Variants in CADM2 observed in about 807,000 individuals in gnomAD.
CADM2 encodes cell adhesion molecule 2.
In CADM2, 12 loss-of-function variants were observed where a neutral mutation model predicts 49.8. That is an observed-to-expected ratio of 0.24 (90% CI 0.15 to 0.39). CADM2 has a LOEUF of 0.39. CADM2 is among the 10% of genes least tolerant of loss of function. The probability of loss-of-function intolerance (pLI) is 1.00; values close to 1 mark genes in which losing one functional copy is unlikely to be tolerated. For missense variants in CADM2, 378 were observed against 492.3 expected, an observed-to-expected ratio of 0.77 and a Z score of 2.20; for synonymous variants, 214 against 175.4, an observed-to-expected ratio of 1.22 and a Z score of -1.74.
intron 6 of CADM2, among the ~76,000 whole-genome samples, chr3:85,932,580 T>G (rs1720733517): frequency 6.6e-6 from 1 of 152,008 alleles, no homozygotes; most frequent in South Asian, 2.1e-4. Flanking sequence ...TCTGAGAAAA[T>G]GTAGCCAGGG....
intron 1 of CADM2, among the ~76,000 whole-genome samples, chr3:85,592,335 C>T (rs1036689304): frequency 1.3e-5 from 2 of 151,898 alleles, no homozygotes; most frequent in Non-Finnish European, 2.9e-5. Flanking sequence ...AACATGTACT[C>T]TTTCACATCC....
chr3:85,184,329 C>A (rs2041003560), intron 1 of CADM2, among the ~76,000 whole-genome samples: 1 of 152,048 alleles, frequency 6.6e-6, no homozygotes, highest in Non-Finnish European at 1.5e-5. Flanking sequence ...TGGGACAATG[C>A]AGAAAAGAAC....
chr3:85,160,835 T>C (rs999809264), intron 1 of CADM2, among the ~76,000 whole-genome samples: 1 of 152,200 alleles, frequency 6.6e-6, no homozygotes, highest in African/African-American at 2.4e-5. Flanking sequence ...TTCCATCTTA[T>C]GGGATGTAGA....
intron 1 of CADM2, among the ~76,000 whole-genome samples, chr3:85,044,306 C>A (rs1381667271): frequency 1.2e-5 from 1 of 80,490 alleles, no homozygotes; most frequent in Non-Finnish European, 2.1e-5. Context: ...AGAAATTAAT[C>A]CCCCTACCCC....
At chr3:85,413,706 C>T (rs549373339) in intron 1 of CADM2, among the ~76,000 whole-genome samples, 2 of 152,218 alleles carry the variant, frequency 1.3e-5, no homozygotes, top group Admixed American at 6.5e-5. Flanking sequence ...GGGAAATCCA[C>T]CCTCACGATC....
chr3:85,433,540 G>A (rs1358915604), intron 1 of CADM2, among the ~76,000 whole-genome samples: 1 of 152,090 alleles, frequency 6.6e-6, no homozygotes. Flanking sequence ...CTTTGCCAGA[G>A]CATTGGAGAA....
chr3:85,299,023 A>G (rs2044032575), intron 1 of CADM2, among the ~76,000 whole-genome samples: 1 of 152,078 alleles, frequency 6.6e-6, no homozygotes, highest in African/African-American at 2.4e-5. Flanking sequence ...TATCCACTAG[A>G]AGACTGAGTG....
intron 1 of CADM2, among the ~76,000 whole-genome samples, chr3:85,315,426 GAAAACCCAGTATAAGAAAAAC>G (rs2044442449): frequency 6.6e-6 from 1 of 152,014 alleles, no homozygotes; most frequent in Admixed American, 6.6e-5. Flanking sequence ...ATTTAAATTA[GAAAACCCAGTATAAGAAAAAC>G]AAAATTTGAA....
chr3:85,353,541 CT>C (rs546632995), intron 1 of CADM2, among the ~76,000 whole-genome samples: 367 of 144,770 alleles, frequency 2.5e-3, no homozygotes, highest in African/African-American at 8.2e-3. Flanking sequence ...TTGATGGTTT[CT>C]TTTTTTTTGT....
At position 85,674,200 on chromosome 3, in the gene CADM2, C is replaced by T. The variant is rs918537537; in HGVS notation, c.62-52322C>T. ...GAACTGTATTAAATACATGTAAACG[C>T]ACATATAAACTTGAAATAAATATGT... On this transcript the variant is annotated intron_variant, in intron 1 of 9. Coordinates refer to ENST00000383699, the MANE Select transcript of CADM2 (RefSeq NM_001167675.2). Among the ~76,000 whole-genome samples, 2 of 151,972 alleles carry T rather than the reference C, an allele frequency of 1.3e-5. 1 individual carries two copies. The highest frequency in any genetic ancestry group is 4.1e-4 in the South Asian group (2 of 4,826).
rs1040920616 is a variant in CADM2, at chr3:86,073,482, C to T, written c.*6699C>T. 6.6e-6 allele frequency: 1 copy of T among 151,978 alleles called. No individual in the cohort carries two copies. The highest frequency in any genetic ancestry group is 2.4e-5 in the African/African-American group (1 of 41,424). 9.4% of individuals were successfully genotyped at this position (151,978 alleles called of 1,614,324 possible). On this transcript the variant is annotated 3_prime_UTR_variant, in exon 10 of 10. Transcript: ENST00000383699. ...ACTTGCATGTTGATATGCCTATATA[C>T]TTACAAAGTATTCAATGTGTACTTA...
At chr3:85,272,751 A>G (rs1390646576) in intron 1 of CADM2, among the ~76,000 whole-genome samples, 3 of 151,254 alleles carry the variant, frequency 2.0e-5, no homozygotes, top group Non-Finnish European at 3.0e-5. Flanking sequence ...GAATAAGCCA[A>G]AGTTTCTCCT....
At chr3:85,831,676 T>G (rs11926422) in intron 3 of CADM2, among the ~76,000 whole-genome samples, 60,269 of 151,572 alleles carry the variant, frequency 0.4, 12,265 homozygotes, top group East Asian at 0.57. Flanking sequence ...TTTTAATGGG[T>G]TTATTTGCTT....
chr3:85,694,505 T>C (rs2066490037), intron 1 of CADM2, among the ~76,000 whole-genome samples: 1 of 152,200 alleles, frequency 6.6e-6, no homozygotes, highest in African/African-American at 2.4e-5. Flanking sequence ...ATGTTTGCTT[T>C]TTAACCCACC....
chr3:85,594,145 A>C (rs1158070212), intron 1 of CADM2, among the ~76,000 whole-genome samples: 1 of 151,834 alleles, frequency 6.6e-6, no homozygotes, highest in Non-Finnish European at 1.5e-5. Flanking sequence ...ATAATCTTTG[A>C]AATATTTATA....
At chr3:85,469,711 G>T (rs1361193093) in intron 1 of CADM2, among the ~76,000 whole-genome samples, 11 of 152,122 alleles carry the variant, frequency 7.2e-5, no homozygotes. Flanking sequence ...ATCACCATTG[G>T]CAATTACAAA....
chr3:85,240,773 C>T (rs373391450), intron 1 of CADM2, among the ~76,000 whole-genome samples: 1 of 151,312 alleles, frequency 6.6e-6, no homozygotes, highest in African/African-American at 2.4e-5. Flanking sequence ...CAAGGATTTG[C>T]TTGGATGATA....
In CADM2 at chr3:85,491,122, C is replaced by T. The variant is rs578250927; in HGVS notation, c.62-235400C>T. ...TACTGCATCAAATAAACTGAAGCTTCTACATTGCCCTGAGACATGACAAAT... is the reference window on the plus strand; with the variant it reads ...TACTGCATCAAATAAACTGAAGCTTTTACATTGCCCTGAGACATGACAAAT... On this transcript the variant is annotated intron_variant, in intron 1 of 9. Transcript: ENST00000383699. Among the ~76,000 whole-genome samples, 3 of 152,258 alleles carry T rather than the reference C, an allele frequency of 2.0e-5. No individual in the cohort carries two copies. The South Asian group carries it at 6.2e-4, about 32-fold the overall frequency.
rs190897018 is a variant in CADM2, at chr3:86,050,903, C to T, written c.971-14702C>T. On this transcript the variant is annotated intron_variant, in intron 8 of 9. Coordinates refer to ENST00000383699, the MANE Select transcript of CADM2 (RefSeq NM_001167675.2). Reference sequence around the variant, plus strand: ...GCCTGCTGCAAAGGTCTCTGAAATGCCTTCAAGGCCTTTTCCGTATTGTCT... The same window carrying T: ...GCCTGCTGCAAAGGTCTCTGAAATGTCTTCAAGGCCTTTTCCGTATTGTCT... Among the ~76,000 whole-genome samples, 821 of 152,268 alleles carry T rather than the reference C, an allele frequency of 5.4e-3. 3 individuals carry two copies. The highest frequency in any genetic ancestry group is 6.9e-3 in the Non-Finnish European group (467 of 68,006).
Sources: allele counts gnomAD v4.1 joint callset (sites outside exome capture counted in the v4.1 genomes callset), GRCh38; gene constraint gnomAD v4.1.1; transcripts MANE v1.5; gene names NCBI Gene and HGNC (gene_info 2026-07-23, HGNC 2026-07-21).